SMS: variants seen among roughly 807,000 people sequenced by gnomAD.
SMS encodes spermine synthase, also known as spermidine aminopropyltransferase.
SMS carries 3 observed loss-of-function variants against 33.0 expected under a neutral mutation model. The observed-to-expected ratio is 0.09, with a 90% CI of 0.04 to 0.23. The LOEUF (loss-of-function observed/expected upper bound fraction) is 0.23. Among genes scored for constraint, SMS ranks in the 10% least tolerant of loss-of-function variants. The probability of loss-of-function intolerance (pLI) is 1.00; values close to 1 mark genes in which losing one functional copy is unlikely to be tolerated. For synonymous variants in SMS, 103 were observed against 112.2 expected (o/e 0.92, Z 0.52); for missense variants, 117 against 288.6 (o/e 0.41, Z 4.31).
At chrX:21,945,634 T>TCCCCCCCCCCC (rs376720187) in intron 1 of SMS, among the ~76,000 whole-genome samples, 21 of 34,124 alleles carry the variant, frequency 6.2e-4, no homozygotes, top group African/African-American at 7.4e-4. Context: ...TTGCTTCCCG[T>TCCCCCCCCCCC]CCCCCCCCCC....
rs774994133 is a variant in SMS, at chrX:21,959,889, A to G, written c.50-7307A>G. Reference sequence around the variant, plus strand: ...TCTATTGCCAGCCAGCTCGCACACCATCTTCCCGTGGAGAGAGTGCAGATC... The same window carrying G: ...TCTATTGCCAGCCAGCTCGCACACCGTCTTCCCGTGGAGAGAGTGCAGATC... On this transcript the variant is annotated intron_variant, in intron 1 of 10. Coordinates refer to ENST00000404933, the MANE Select transcript of SMS (RefSeq NM_004595.5). 1.5e-4 allele frequency: 113 copies of G among 751,213 alleles called. No homozygotes were observed. In the African/African-American group the frequency reaches 2.4e-3, roughly 16 times the overall value. 61.9% of individuals were successfully genotyped at this position (751,213 alleles called of 1,213,427 possible). A position where few individuals can be genotyped will look rare whatever the true frequency, so the allele number is the denominator to read the frequency against.
chrX:21,979,093 C>T, intron 7 of SMS, 127 bp downstream of exon 7: 1 of 517,199 alleles, frequency 1.9e-6, no homozygotes, highest in Non-Finnish European at 3.4e-6. Context: ...TCTGTCTCTT[C>T]ATATGAGTTA....
intron 1 of SMS, among the ~76,000 whole-genome samples, chrX:21,941,990 A>C (rs1349918299): frequency 9.6e-6 from 1 of 104,000 alleles, no homozygotes; most frequent in Non-Finnish European, 2.0e-5. Flanking sequence ...GGGAAGGATA[A>C]TTTGCAGGCT....
At chrX:21,942,059 C>T (rs1921849569) in intron 1 of SMS, among the ~76,000 whole-genome samples, 1 of 108,516 alleles carries the variant, frequency 9.2e-6, no homozygotes, top group South Asian at 4.1e-4. Flanking sequence ...ATAGAACTGC[C>T]CTTTCTTTTT....
chrX:21,961,034 CTTT>C (rs773159264), intron 1 of SMS, among the ~76,000 whole-genome samples: 3,197 of 41,797 alleles, frequency 0.076, 276 homozygotes, highest in African/African-American at 0.32. Context: ...ATATGCATGT[CTTT>C]TTTTTTTTTT....
intron 1 of SMS, among the ~76,000 whole-genome samples, chrX:21,958,658 C>T (rs1052904726): frequency 1.8e-5 from 2 of 112,373 alleles, no homozygotes; most frequent in Admixed American, 1.9e-4. Flanking sequence ...ATCTGCTTTA[C>T]ATCTCTATGA....
At chrX:21,957,581 C>T (rs748067506) in intron 1 of SMS, among the ~76,000 whole-genome samples, 10 of 112,011 alleles carry the variant, frequency 8.9e-5, no homozygotes, top group East Asian at 2.8e-4. Context: ...CCACCGTGCC[C>T]GGCCTTCTTT....
At chrX:21,974,510 C>G (rs187948757) in intron 4 of SMS, among the ~76,000 whole-genome samples, 3 of 111,517 alleles carry the variant, frequency 2.7e-5, no homozygotes, top group South Asian at 7.5e-4. Flanking sequence ...TTATCTGCAC[C>G]CATTTGGAAT....
chrX:21,948,439 C>CTTTTTTTTTTT (rs59082770), intron 1 of SMS, among the ~76,000 whole-genome samples: 6,477 of 79,592 alleles, frequency 0.081, 408 homozygotes, highest in Non-Finnish European at 0.12. Flanking sequence ...GTCAATGTGT[C>CTTTTTTTTTTT]TTTTTTTTTT....
In SMS at chrX:21,986,981, T is replaced by A. The variant is rs7052122; in HGVS notation, c.945+1758T>A. Among the ~76,000 whole-genome samples, 285 of 100,555 alleles carry A rather than the reference T, an allele frequency of 2.8e-3. 3 individuals carry two copies. The highest frequency in any genetic ancestry group is 1.0e-2 in the African/African-American group (274 of 27,532). 87.3% of individuals were successfully genotyped at this position (100,555 alleles called of 115,157 possible). ...AGCTTTCTTATTGTAAAGAAGCAAG[T>A]TGGACTTATGATGGTTTTTTTTTTT... On this transcript the variant is annotated intron_variant, in intron 9 of 10. Transcript: ENST00000404933.
intron 2 of SMS, among the ~76,000 whole-genome samples, chrX:21,968,748 A>G (rs1923915380): frequency 8.9e-6 from 1 of 112,194 alleles, no homozygotes; most frequent in Admixed American, 9.4e-5. Flanking sequence ...GGACTGGCTT[A>G]GTATGTAAAA....
intron 3 of SMS, 135 bp downstream of exon 3, chrX:21,972,125 A>G: frequency 3.9e-6 from 2 of 517,640 alleles, no homozygotes; most frequent in South Asian, 5.8e-5. Flanking sequence ...AAGTGATTTT[A>G]GAATAGAAGT....
chrX:21,972,397 CA>C, intron 3 of SMS, 109 bp from the exon 4 acceptor site: 1 of 540,545 alleles, frequency 1.8e-6, no homozygotes, highest in Middle Eastern at 3.1e-4. Context: ...GGAGGAGGGA[CA>C]GGTCAATCTT....
At chrX:21,943,758 A>G (rs1217518813) in intron 1 of SMS, among the ~76,000 whole-genome samples, 1 of 111,546 alleles carries the variant, frequency 9.0e-6, no homozygotes, top group Non-Finnish European at 1.9e-5. Context: ...GGTGAAGCAC[A>G]TCGTCCTGTC....
chrX:21,967,775 T>A (rs991736099), intron 2 of SMS, among the ~76,000 whole-genome samples: 1 of 112,456 alleles, frequency 8.9e-6, no homozygotes, highest in Non-Finnish European at 1.9e-5. Context: ...CACCCTGAAG[T>A]GGCTGGTGAG....
chrX:21,942,605 G>A (rs981710473), intron 1 of SMS, among the ~76,000 whole-genome samples: 1 of 111,303 alleles, frequency 9.0e-6, no homozygotes, highest in Non-Finnish European at 1.9e-5. Flanking sequence ...TGCTAGAGAT[G>A]AAATGGTGCT....
At chrX:21,961,740 G>A (rs981014832) in intron 1 of SMS, among the ~76,000 whole-genome samples, 3 of 111,938 alleles carry the variant, frequency 2.7e-5, no homozygotes, top group Admixed American at 9.5e-5. Context: ...GGGACATTGC[G>A]TTGTTCAGTA....
At chrX:21,980,431 T>TAA (rs1924859076) in intron 7 of SMS, among the ~76,000 whole-genome samples, 4 of 48,934 alleles carry the variant, frequency 8.2e-5, no homozygotes, top group Admixed American at 2.9e-4. Context: ...AAAAAAAAAA[T>TAA]ATATATATAT....
intron 1 of SMS, among the ~76,000 whole-genome samples, chrX:21,959,636 C>T (rs1438191574): frequency 2.7e-5 from 3 of 112,646 alleles, no homozygotes; most frequent in Non-Finnish European, 5.6e-5. Context: ...AACATCTGAA[C>T]GTGGTTTTAA....
Sources: gnomAD v4.1 joint callset for allele counts (sites outside exome capture counted in the v4.1 genomes callset) on GRCh38, gnomAD v4.1.1 for gene constraint, MANE v1.5 for transcripts, NCBI Gene and HGNC (gene_info 2026-07-23, HGNC 2026-07-21) for gene names.